Variants in PTPRU observed in about 807,000 individuals in gnomAD.
The protein encoded by PTPRU is protein tyrosine phosphatase receptor type U.
PTPRU carries 69 observed loss-of-function variants against 166.3 expected under a neutral mutation model. The observed-to-expected ratio is 0.41, with a 90% CI of 0.34 to 0.51. PTPRU has a LOEUF of 0.51. Among genes scored for constraint, PTPRU ranks in the 20% least tolerant of loss-of-function variants. The pLI is 0.09. For synonymous variants in PTPRU, 793 were observed against 814.0 expected (o/e 0.97, Z 0.44); for missense variants, 1,657 against 2,013.7 (o/e 0.82, Z 3.39).
intron 1 of PTPRU, among the ~76,000 whole-genome samples, chr1:29,248,776 C>T (rs1684408131): frequency 1.3e-5 from 2 of 152,126 alleles, no homozygotes; most frequent in Non-Finnish European, 2.9e-5. Flanking sequence ...CCCACCTCCC[C>T]CTTAGGTGCA....
At position 29,260,618 on chromosome 1, in the gene PTPRU, A is replaced by G. The variant is rs148349447; in HGVS notation, c.859A>G (p.Thr287Ala). The part of the protein sequence containing the change: ...FAELIVKEPP[T>A]PIAPPQLLRA... ...CCCCCATCTCCTCGCAGAGCCCCCA[A>G]CTCCCATCGCGCCCCCACAGCTGCT... The change falls in exon 7 of 30, where the codon ACT becomes GCT. Residue 287 changes from threonine to alanine, a missense_variant. Coordinates refer to ENST00000373779, the MANE Select transcript of PTPRU (RefSeq NM_133178.4). This position sits in a 1 kb window ranked among gnomAD's most constrained non-coding sequence, Gnocchi z 8.3. 1.3e-4 allele frequency: 200 copies of G among 1,500,164 alleles called. No homozygotes were observed. The highest frequency in any genetic ancestry group is 1.7e-4 in the Non-Finnish European group (195 of 1,122,742). 92.9% of individuals were successfully genotyped at this position (1,500,164 alleles called of 1,614,324 possible).
intron 28 of PTPRU, 40 bp from the exon 29 acceptor site, chr1:29,325,142 CCTTCAGGTT>C: frequency 6.2e-7 from 1 of 1,610,390 alleles, no homozygotes. Context: ...CCTTTTCTTA[CCTTCAGGTT>C]CCAAGGCCCC....
chr1:29,326,173 G>A lies in PTPRU; in HGVS notation c.*512G>A, dbSNP rs796112441. ...TCCTGGGGAAGCAGGTCTCAATTCTGAATAGCCAGTGGGGCACACTGACTG... is the reference window on the plus strand; with the variant it reads ...TCCTGGGGAAGCAGGTCTCAATTCTAAATAGCCAGTGGGGCACACTGACTG... On this transcript the variant is annotated 3_prime_UTR_variant, in exon 30 of 30. Coordinates refer to ENST00000373779, the MANE Select transcript of PTPRU (RefSeq NM_133178.4). 2 of 313,198 alleles carry A rather than the reference G, an allele frequency of 6.4e-6. No homozygotes were observed. Among genetic ancestry groups the A allele is most frequent in the African/African-American group, 4.3e-5 (2 of 47,018 alleles). 19.4% of individuals were successfully genotyped at this position (313,198 alleles called of 1,614,324 possible).
In PTPRU at chr1:29,311,912, A is replaced by G. The variant is rs1326421804; in HGVS notation, c.3072+153A>G. On this transcript the variant is annotated intron_variant, in intron 21 of 29. Transcript: ENST00000373779. This position sits in a 1 kb window ranked among gnomAD's most constrained non-coding sequence, Gnocchi z 4.1. ...TACTTGGTCACTGTTGGCTGGGAGC[A>G]CTCTAGAAGGGCAGGAAGGTCACTG... 6.6e-6 allele frequency among the ~76,000 whole-genome samples: 1 copy of G among 152,140 alleles called. No homozygotes were observed. Among genetic ancestry groups the G allele is most frequent in the Non-Finnish European group, 1.5e-5 (1 of 68,016 alleles).
chr1:29,267,235 A>G (rs1685343989), intron 7 of PTPRU, among the ~76,000 whole-genome samples: 1 of 152,166 alleles, frequency 6.6e-6, no homozygotes, highest in African/African-American at 2.4e-5. Flanking sequence ...TCTAGAGACA[A>G]ACAAACCAGC....
At chr1:29,324,435 A>G (rs1330514630) in intron 28 of PTPRU, among the ~76,000 whole-genome samples, 2 of 152,168 alleles carry the variant, frequency 1.3e-5, no homozygotes, top group Non-Finnish European at 2.9e-5. Flanking sequence ...GGCACCCCAC[A>G]CGTGGAGTCA....
At chr1:29,240,297 T>C in intron 1 of PTPRU, among the ~76,000 whole-genome samples, 1 of 152,232 alleles carries the variant, frequency 6.6e-6, no homozygotes, top group South Asian at 2.1e-4. Flanking sequence ...TTATTAGTGC[T>C]GTCTCCCTTA....
rs12750592 is a variant in PTPRU, at chr1:29,310,247, C to T, written c.2821-497C>T. ...CTGAAGCCCTCATCTAGGCCCCCCACGCTCTGAGTGACTGAGGAGTAAGGG... is the reference window on the plus strand; with the variant it reads ...CTGAAGCCCTCATCTAGGCCCCCCATGCTCTGAGTGACTGAGGAGTAAGGG... On this transcript the variant is annotated intron_variant, in intron 18 of 29. Coordinates refer to ENST00000373779, the MANE Select transcript of PTPRU (RefSeq NM_133178.4). Among the ~76,000 whole-genome samples the T allele has an allele frequency of 4.5e-3, 692 of 152,286 alleles. 3 individuals are homozygous for T. Among genetic ancestry groups the T allele is most frequent in the Non-Finnish European group, 7.1e-3 (484 of 68,012 alleles).
intron 15 of PTPRU, among the ~76,000 whole-genome samples, chr1:29,297,631 G>A (rs1427524634): frequency 6.6e-6 from 1 of 152,198 alleles, no homozygotes; most frequent in African/African-American, 2.4e-5. Flanking sequence ...AGGGAGAGGT[G>A]TGACTGCACT....
chr1:29,246,282 TA>T (rs1684294207), intron 1 of PTPRU, among the ~76,000 whole-genome samples: 1 of 152,246 alleles, frequency 6.6e-6, no homozygotes, highest in Non-Finnish European at 1.5e-5. Flanking sequence ...ACCACCATGG[TA>T]TCTGTAGGCT....
rs1001037676 is a variant in PTPRU, at chr1:29,237,031, G to C, written c.73+314G>C. Among the ~76,000 whole-genome samples the C allele has an allele frequency of 2.6e-5, 4 of 152,184 alleles. No homozygotes were observed. Among genetic ancestry groups the C allele is most frequent in the Non-Finnish European group, 5.9e-5 (4 of 68,016 alleles). The stretch of plus-strand genomic sequence containing the variant: ...CAGTGTGTAGTGTTTGTGTGGCCAA[G>C]TGGGTTGTGTGTGCATCTGAGTTTG... On this transcript the variant is annotated intron_variant, in intron 1 of 29. Transcript: ENST00000373779. The surrounding 1 kb of genome is among the most constrained non-coding windows in gnomAD (Gnocchi z 6.4).
chr1:29,262,409 A>G (rs1329257930), intron 7 of PTPRU, among the ~76,000 whole-genome samples: 5 of 152,136 alleles, frequency 3.3e-5, no homozygotes, highest in Admixed American at 2.0e-4. Flanking sequence ...TTCTCCTTCT[A>G]TGGTTTTAGT....
intron 28 of PTPRU, 65 bp from the exon 29 acceptor site, chr1:29,325,126 C>T: frequency 6.2e-7 from 1 of 1,600,280 alleles, no homozygotes; most frequent in Non-Finnish European, 8.5e-7. Context: ...CTCGTGGTTC[C>T]CTGGCCCTTT....
chr1:29,310,304 G>T (rs969205633), intron 18 of PTPRU, among the ~76,000 whole-genome samples: 4 of 152,176 alleles, frequency 2.6e-5, no homozygotes, highest in Admixed American at 2.6e-4. Flanking sequence ...GTTATCCCAA[G>T]TGTGGGGGCT....
chr1:29,270,420 C>T (rs1557432327), intron 7 of PTPRU, among the ~76,000 whole-genome samples: 3 of 152,132 alleles, frequency 2.0e-5, no homozygotes, highest in African/African-American at 4.8e-5. Context: ...TATTCACCCA[C>T]CTCAGCCTCC....
chr1:29,285,545 C>G (rs112995706), intron 14 of PTPRU, among the ~76,000 whole-genome samples: 3 of 152,314 alleles, frequency 2.0e-5, no homozygotes, highest in South Asian at 4.1e-4. Context: ...AATCCAGAAC[C>G]TAGAATCTTG....
At chr1:29,308,284 C>CTT (rs567805935) in intron 18 of PTPRU, among the ~76,000 whole-genome samples, 11,459 of 136,088 alleles carry the variant, frequency 0.084, 922 homozygotes, top group East Asian at 0.3. Flanking sequence ...TAATTTTTTC[C>CTT]TTTTTTTTTT....
intron 1 of PTPRU, among the ~76,000 whole-genome samples, chr1:29,239,687 C>T (rs1340628736): frequency 3.3e-5 from 5 of 152,048 alleles, no homozygotes; most frequent in African/African-American, 1.2e-4. Flanking sequence ...TTGTGCTCCT[C>T]CTTCCTCCCC....
chr1:29,325,040 C>T, intron 28 of PTPRU, 151 bp from the exon 29 acceptor site: 7 of 1,093,898 alleles, frequency 6.4e-6, no homozygotes, highest in Non-Finnish European at 9.3e-6. Flanking sequence ...AACTCCGCCC[C>T]TCACCTCTGG....
Sources: gnomAD v4.1 joint callset for allele counts (sites outside exome capture counted in the v4.1 genomes callset) on GRCh38, gnomAD v4.1.1 for gene constraint, Gnocchi (gnomAD v3.1) non-coding constraint, MANE v1.5 for transcripts, NCBI Gene and HGNC (gene_info 2026-07-23, HGNC 2026-07-21) for gene names.